The following CWF19L2 variants were observed in gnomAD, a reference collection of about 807,000 sequenced individuals.
The protein encoded by CWF19L2 is CWF19 like cell cycle control factor 2.
CWF19L2 carries 98 observed loss-of-function variants against 111.7 expected under a neutral mutation model. The observed-to-expected ratio is 0.88, with a 90% CI of 0.75 to 1.04. The LOEUF (loss-of-function observed/expected upper bound fraction) is 1.04, where lower values mean the gene tolerates loss of function less well. Among genes scored for constraint, CWF19L2 ranks in the 50% least tolerant of loss-of-function variants. The pLI is 0.00. For missense variants in CWF19L2, 1,101 were observed against 1,051.4 expected, an observed-to-expected ratio of 1.05 and a Z score of -0.65; for synonymous variants, 351 against 342.9, an observed-to-expected ratio of 1.02 and a Z score of -0.26.
rs79272538 is a variant in CWF19L2 at position 107,418,367 on chromosome 11, T to C, written c.1434-80A>G. 5.6e-5 allele frequency: 49 copies of C among 879,698 alleles called. No individual in the cohort carries two copies. The African/African-American group carries it at 7.5e-4, about 14-fold the overall frequency. 54.5% of individuals were successfully genotyped at this position (879,698 alleles called of 1,614,324 possible). On this transcript the variant is annotated intron_variant, in intron 8 of 17. Coordinates refer to ENST00000282251, the MANE Select transcript of CWF19L2 (RefSeq NM_152434.3). ...TAACATCAAGACTCAAATGTTATTTTAACTGACCTCAACAAAGCATTCAGT... is the reference window on the plus strand; with the variant it reads ...TAACATCAAGACTCAAATGTTATTTCAACTGACCTCAACAAAGCATTCAGT...
intron 10 of CWF19L2, chr11:107,403,319 C>T (rs1861033004): frequency 1.4e-5 from 7 of 497,410 alleles, no homozygotes; most frequent in Non-Finnish European, 2.5e-5. Context: ...TTCATTTACC[C>T]TAACAGGTAT....
chr11:107,334,131 C>T (rs1476141111), intron 16 of CWF19L2, among the ~76,000 whole-genome samples: 1 of 152,160 alleles, frequency 6.6e-6, no homozygotes, highest in African/African-American at 2.4e-5. Context: ...TGTTTTGTTC[C>T]ACTGTGTACC....
intron 10 of CWF19L2, among the ~76,000 whole-genome samples, chr11:107,405,232 G>A (rs930715478): frequency 2.0e-5 from 3 of 152,122 alleles, no homozygotes; most frequent in Non-Finnish European, 4.4e-5. Flanking sequence ...TGTTATCTAT[G>A]GCTGCCTTCA....
At chr11:107,452,823 T>G (rs781378038) in intron 3 of CWF19L2, among the ~76,000 whole-genome samples, 1 of 152,056 alleles carries the variant, frequency 6.6e-6, no homozygotes, top group Non-Finnish European at 1.5e-5. Flanking sequence ...AGACTCCATG[T>G]CTACAAAAAC....
At chr11:107,342,886 T>C (rs1363105265) in intron 14 of CWF19L2, among the ~76,000 whole-genome samples, 1 of 152,066 alleles carries the variant, frequency 6.6e-6, no homozygotes, top group Non-Finnish European at 1.5e-5. Context: ...GGCAATATGA[T>C]GACAGAAGCA....
At chr11:107,333,897 T>C (rs1052394956) in intron 16 of CWF19L2, among the ~76,000 whole-genome samples, 1 of 152,184 alleles carries the variant, frequency 6.6e-6, no homozygotes, top group African/African-American at 2.4e-5. Context: ...GACCACATAA[T>C]AAAATACTTT....
chr11:107,351,593 C>T (rs1045204280), intron 13 of CWF19L2, among the ~76,000 whole-genome samples: 1 of 152,140 alleles, frequency 6.6e-6, no homozygotes, highest in African/African-American at 2.4e-5. Flanking sequence ...TCTGTTATAG[C>T]ATTTTAAGAG....
At chr11:107,395,420 C>T (rs1860908348) in intron 10 of CWF19L2, among the ~76,000 whole-genome samples, 1 of 152,192 alleles carries the variant, frequency 6.6e-6, no homozygotes, top group South Asian at 2.1e-4. Flanking sequence ...ACAAGAATCA[C>T]TTTATGTTGG....
At chr11:107,395,416 A>G (rs1179299298) in intron 10 of CWF19L2, among the ~76,000 whole-genome samples, 2 of 152,230 alleles carry the variant, frequency 1.3e-5, no homozygotes, top group African/African-American at 4.8e-5. Context: ...AAATACAAGA[A>G]TCACTTTATG....
chr11:107,453,167 A>G (rs1425562700), intron 3 of CWF19L2, among the ~76,000 whole-genome samples: 1 of 152,256 alleles, frequency 6.6e-6, no homozygotes, highest in Non-Finnish European at 1.5e-5. Flanking sequence ...ATGATGCTCT[A>G]CATCCTTGTT....
In CWF19L2 at chr11:107,422,142, G is replaced by A. The variant is rs562387834; in HGVS notation, c.1434-3855C>T. Among the ~76,000 whole-genome samples the A allele has an allele frequency of 1.1e-4, 16 of 152,072 alleles. 1 individual carries two copies. In the South Asian group the frequency reaches 2.3e-3, roughly 22 times the overall value. Reference sequence around the variant, plus strand: ...CATAATGTATGATCCCATTTACATCGAACTCTAGAAGATGCAAACTACGGT... The same window carrying A: ...CATAATGTATGATCCCATTTACATCAAACTCTAGAAGATGCAAACTACGGT... On this transcript the variant is annotated intron_variant, in intron 8 of 17. Coordinates refer to ENST00000282251, the MANE Select transcript of CWF19L2 (RefSeq NM_152434.3).
chr11:107,388,877 A>AT (rs982158550), intron 12 of CWF19L2, among the ~76,000 whole-genome samples: 32 of 152,178 alleles, frequency 2.1e-4, no homozygotes, highest in African/African-American at 7.5e-4. Flanking sequence ...AATTTCTGGC[A>AT]TTTTTTCCAA....
At chr11:107,450,957 A>C (rs947304884) in intron 3 of CWF19L2, among the ~76,000 whole-genome samples, 3 of 152,196 alleles carry the variant, frequency 2.0e-5, no homozygotes, top group African/African-American at 7.2e-5. Flanking sequence ...AGGTGAACAG[A>C]AAATCATTAA....
intron 6 of CWF19L2, among the ~76,000 whole-genome samples, chr11:107,433,969 A>G (rs960780744): frequency 9.5e-5 from 14 of 147,962 alleles, no homozygotes; most frequent in African/African-American, 3.0e-4. Context: ...AGAAAGAAGG[A>G]AAAGAAAAAT....
chr11:107,328,308 A>G (rs1859793372), intron 17 of CWF19L2, among the ~76,000 whole-genome samples: 1 of 152,168 alleles, frequency 6.6e-6, no homozygotes. Context: ...GCATCGGTCC[A>G]AATAAGCAAT....
At chr11:107,330,654 AC>A (rs1859835596) in intron 16 of CWF19L2, among the ~76,000 whole-genome samples, 1 of 68,954 alleles carries the variant, frequency 1.5e-5, no homozygotes, top group African/African-American at 5.0e-5. Context: ...CCACACACAC[AC>A]ACACACACAC....
At chr11:107,424,258 C>T (rs1861343842) in intron 8 of CWF19L2, among the ~76,000 whole-genome samples, 2 of 151,414 alleles carry the variant, frequency 1.3e-5, no homozygotes, top group Non-Finnish European at 3.0e-5. Context: ...CACACTCACC[C>T]ATACTAACCT....
At chr11:107,381,431 T>C (rs1946439519) in intron 12 of CWF19L2, among the ~76,000 whole-genome samples, 1 of 152,184 alleles carries the variant, frequency 6.6e-6, no homozygotes. Context: ...ATAAACTAAG[T>C]CAATATTTAT....
chr11:107,430,359 G>A (rs1428336918), intron 7 of CWF19L2, among the ~76,000 whole-genome samples: 1 of 151,972 alleles, frequency 6.6e-6, no homozygotes, highest in Non-Finnish European at 1.5e-5. Context: ...GTAAATAATA[G>A]AATGAAGATT....
Sources: allele counts gnomAD v4.1 joint callset (sites outside exome capture counted in the v4.1 genomes callset), GRCh38; gene constraint gnomAD v4.1.1; transcripts MANE v1.5; gene names NCBI Gene and HGNC (gene_info 2026-07-23, HGNC 2026-07-21).